Variants in AGBL1 observed in about 807,000 individuals in gnomAD.
AGBL1 encodes the protein AGBL carboxypeptidase 1.
A neutral mutation model predicts 118.9 loss-of-function variants in AGBL1; 130 were observed. The ratio of observed to expected loss-of-function variants is 1.09; its 90% confidence interval spans 0.95 to 1.26. The LOEUF (loss-of-function observed/expected upper bound fraction) is 1.26. Ranked by LOEUF, AGBL1 falls within the 50% of genes most tolerant of loss-of-function variation. The probability of loss-of-function intolerance (pLI) is 0.00; values close to 1 mark genes in which losing one functional copy is unlikely to be tolerated. For synonymous variants in AGBL1, 555 were observed against 478.9 expected (o/e 1.16, Z -2.08); for missense variants, 1,584 against 1,298.1 (o/e 1.22, Z -3.38).
chr15:86,977,868 G>C (rs909075395), intron 23 of AGBL1, among the ~76,000 whole-genome samples: 18 of 151,948 alleles, frequency 1.2e-4, no homozygotes, highest in African/African-American at 4.3e-4. Context: ...CAAATTTAAG[G>C]GGAATGCCTC....
intron 18 of AGBL1, among the ~76,000 whole-genome samples, chr15:86,433,266 CTTTTTTTTTTTTTTT>C (rs59417397): frequency 0.24 from 17,794 of 75,518 alleles, 1,790 homozygotes; most frequent in Admixed American, 0.38. Flanking sequence ...CCTCCTTCTT[CTTTTTTTTTTTTTTT>C]TTTTTTTTTT....
intron 21 of AGBL1, among the ~76,000 whole-genome samples, chr15:86,651,730 A>G (rs2085374523): frequency 6.6e-6 from 1 of 152,134 alleles, no homozygotes; most frequent in Non-Finnish European, 1.5e-5. Context: ...CCAACTACTG[A>G]TCTCTCTGAG....
At chr15:86,224,522 C>T (rs1345028076) in intron 5 of AGBL1, among the ~76,000 whole-genome samples, 2 of 152,164 alleles carry the variant, frequency 1.3e-5, no homozygotes, top group South Asian at 2.1e-4. Flanking sequence ...CCAAGCCCCA[C>T]TCCTTCCCAG....
intron 21 of AGBL1, among the ~76,000 whole-genome samples, chr15:86,633,946 A>G (rs2085033568): frequency 2.0e-5 from 3 of 150,414 alleles, no homozygotes; most frequent in African/African-American, 7.3e-5. Flanking sequence ...AAGTGAGGTG[A>G]ATGCTCAAAT....
chr15:86,248,072 C>T (rs2078750835), intron 7 of AGBL1, among the ~76,000 whole-genome samples, 193 bp downstream of exon 7: 1 of 152,236 alleles, frequency 6.6e-6, no homozygotes, highest in Admixed American at 6.5e-5. Context: ...AATCTCAGCA[C>T]TTTGGGAGGC....
At chr15:86,178,549 C>G (rs1011517321) in intron 5 of AGBL1, among the ~76,000 whole-genome samples, 7 of 152,096 alleles carry the variant, frequency 4.6e-5, no homozygotes, top group African/African-American at 1.7e-4. Flanking sequence ...AAAAAGATAA[C>G]CTATATAGCC....
At chr15:86,797,044 A>G (rs1020659493) in intron 22 of AGBL1, among the ~76,000 whole-genome samples, 3 of 152,226 alleles carry the variant, frequency 2.0e-5, no homozygotes, top group Non-Finnish European at 2.9e-5. Flanking sequence ...CTGTGCACTC[A>G]GAAAAGTCAC....
rs770462714 is a variant in AGBL1 at position 86,264,546 on chromosome 15, A to T, written c.1375A>T (p.Ile459Phe). 5.6e-5 allele frequency: 90 copies of T among 1,613,918 alleles called. No homozygotes were observed. Among genetic ancestry groups the T allele is most frequent in the Middle Eastern group, 1.6e-4 (1 of 6,084 alleles). The stretch of plus-strand genomic sequence containing the variant: ...TTCTTCTGAAAGTGAAATCCCTGAC[A>T]TTCAGGCTTCCCCGAAAGCAGATGC... ...RDSSESEIPD[I>F]QASPKADAWD... The change falls in exon 11 of 23, where the codon ATT becomes TTT. Residue 459 changes from isoleucine (I) to phenylalanine (F), a missense_variant. Coordinates refer to ENST00000614907, the MANE Select transcript of AGBL1 (RefSeq NM_001386094.1).
intron 18 of AGBL1, among the ~76,000 whole-genome samples, chr15:86,417,647 A>G (rs2081714681): frequency 6.6e-6 from 1 of 152,182 alleles, no homozygotes; most frequent in Non-Finnish European, 1.5e-5. Flanking sequence ...GAGGTCTGGG[A>G]CAACTTCTTG....
At chr15:86,517,557 T>C (rs911379470) in intron 18 of AGBL1, among the ~76,000 whole-genome samples, 10 of 152,224 alleles carry the variant, frequency 6.6e-5, no homozygotes, top group African/African-American at 2.4e-4. Flanking sequence ...ATTTTGGCTT[T>C]CCCATTTCTG....
At chr15:86,781,744 T>A (rs1001330428) in intron 22 of AGBL1, among the ~76,000 whole-genome samples, 18 of 151,846 alleles carry the variant, frequency 1.2e-4, no homozygotes. Flanking sequence ...TAGTCAAGAG[T>A]AGTGGAGCCT....
At chr15:87,012,987 G>A (rs903299230) in intron 24 of AGBL1, among the ~76,000 whole-genome samples, 4 of 151,944 alleles carry the variant, frequency 2.6e-5, no homozygotes, top group African/African-American at 4.8e-5. Context: ...TCCTGGATGC[G>A]GTTGCAACAA....
At chr15:86,325,847 G>T (rs745884654) in intron 17 of AGBL1, among the ~76,000 whole-genome samples, 3 of 152,092 alleles carry the variant, frequency 2.0e-5, no homozygotes, top group Non-Finnish European at 4.4e-5. Context: ...GTGGGAAGGG[G>T]CACATGATAA....
At chr15:86,353,373 T>A (rs1414097181) in intron 17 of AGBL1, among the ~76,000 whole-genome samples, 2 of 152,162 alleles carry the variant, frequency 1.3e-5, no homozygotes, top group Non-Finnish European at 2.9e-5. Flanking sequence ...TACAAAGCAA[T>A]ATTCTTAATA....
chr15:86,539,032 A>G (rs2083460286), intron 19 of AGBL1, among the ~76,000 whole-genome samples: 1 of 152,194 alleles, frequency 6.6e-6, no homozygotes, highest in African/African-American at 2.4e-5. Flanking sequence ...TAACCTTGCA[A>G]TTTAGCTCAG....
At chr15:86,717,448 C>T (rs2086654890) in intron 22 of AGBL1, among the ~76,000 whole-genome samples, 1 of 152,124 alleles carries the variant, frequency 6.6e-6, no homozygotes, top group Admixed American at 6.5e-5. Context: ...AAGGACTCCA[C>T]CAAGACCAGA....
chr15:86,555,758 A>G (rs556981334), intron 21 of AGBL1, among the ~76,000 whole-genome samples: 4 of 152,020 alleles, frequency 2.6e-5, no homozygotes, highest in Admixed American at 1.3e-4. Flanking sequence ...TTTTTTTCAT[A>G]TGTCAAATGC....
At chr15:86,587,039 C>G (rs2447285) in intron 21 of AGBL1, among the ~76,000 whole-genome samples, 64,271 of 151,938 alleles carry the variant, frequency 0.42, 13,713 homozygotes, top group Admixed American at 0.49. Flanking sequence ...TCCTCAGTAC[C>G]TTTAAAGAGT....
intron 21 of AGBL1, among the ~76,000 whole-genome samples, chr15:86,574,260 CAGA>C (rs1039068053): frequency 6.6e-6 from 1 of 152,202 alleles, no homozygotes; most frequent in African/African-American, 2.4e-5. Context: ...AGTGTGTACC[CAGA>C]AGGTTAAACT....
Sources: allele counts gnomAD v4.1 joint callset (sites outside exome capture counted in the v4.1 genomes callset), GRCh38; gene constraint gnomAD v4.1.1; transcripts MANE v1.5; gene names NCBI Gene and HGNC (gene_info 2026-07-23, HGNC 2026-07-21).